Variants in TGM3 observed in about 807,000 individuals in gnomAD.
TGM3 encodes protein-glutamine gamma-glutamyltransferase E.
TGM3 carries 52 observed loss-of-function variants against 73.8 expected under a neutral mutation model. The observed-to-expected ratio is 0.70, with a 90% CI of 0.56 to 0.89. TGM3 has a LOEUF of 0.89. Among genes scored for constraint, TGM3 ranks in the 40% least tolerant of loss-of-function variants. TGM3 has a pLI of 0.00. For missense variants in TGM3, 928 were observed against 909.9 expected, an observed-to-expected ratio of 1.02 and a Z score of -0.26; for synonymous variants, 372 against 354.9, an observed-to-expected ratio of 1.05 and a Z score of -0.54.
chr20:2,321,522 A>G (rs2084262958), intron 7 of TGM3, among the ~76,000 whole-genome samples: 1 of 152,200 alleles, frequency 6.6e-6, no homozygotes, highest in South Asian at 2.1e-4. Flanking sequence ...TAACTCTGTG[A>G]TTTCAAAGGT....
intron 9 of TGM3, among the ~76,000 whole-genome samples, chr20:2,330,053 G>C (rs7267044): frequency 0.013 from 1,986 of 152,156 alleles, 44 homozygotes; most frequent in African/African-American, 0.044. Flanking sequence ...TTGTGGGGGT[G>C]GGGGAGGGGG....
At chr20:2,300,201 GAGAA>G (rs1366596354) in intron 1 of TGM3, among the ~76,000 whole-genome samples, 125 of 139,622 alleles carry the variant, frequency 9.0e-4, no homozygotes, top group African/African-American at 3.0e-3. Context: ...GAAATAGAAA[GAGAA>G]AGAAAGAAAG....
intron 12 of TGM3, 24 bp from the exon 13 acceptor site, chr20:2,340,410 A>G: frequency 6.2e-7 from 1 of 1,613,756 alleles, no homozygotes; most frequent in Non-Finnish European, 8.5e-7. Flanking sequence ...TCGTATCAAC[A>G]CTGATCTGTG....
chr20:2,303,764 A>G (rs774524713), intron 1 of TGM3, among the ~76,000 whole-genome samples: 4 of 152,150 alleles, frequency 2.6e-5, no homozygotes, highest in Non-Finnish European at 5.9e-5. Flanking sequence ...AGTCCACCAC[A>G]TTAGAATTGC....
rs369189179 is a variant in TGM3 at position 2,325,830 on chromosome 20, T to C, written c.984-19T>C. On this transcript the variant is annotated intron_variant, in intron 7 of 12. Coordinates refer to ENST00000381458, the MANE Select transcript of TGM3 (RefSeq NM_003245.4). ...GTGTGGTCTTGGGCAAGCGCTGCAG[T>C]CTCTGGTTCTATCTGCAGGAATTTC... The C allele has an allele frequency of 2.8e-5, 43 of 1,529,464 alleles. No individual in the cohort carries two copies. The South Asian group carries it at 4.9e-4, about 17-fold the overall frequency. 94.7% of individuals were successfully genotyped at this position (1,529,464 alleles called of 1,614,324 possible). A position where few individuals can be genotyped will look rare whatever the true frequency, so the allele number is the denominator to read the frequency against.
At chr20:2,330,238 G>A (rs2084312925) in intron 9 of TGM3, among the ~76,000 whole-genome samples, 1 of 152,324 alleles carries the variant, frequency 6.6e-6, no homozygotes, top group Admixed American at 6.5e-5. Flanking sequence ...AGCAAAGGGA[G>A]AAAACAGCAG....
intron 1 of TGM3, among the ~76,000 whole-genome samples, chr20:2,308,431 T>C (rs2084185805): frequency 6.6e-6 from 1 of 152,126 alleles, no homozygotes; most frequent in Admixed American, 6.6e-5. Context: ...TCCCAAAAAG[T>C]TTATATCAGC....
Position 2,311,115 on chromosome 20 carries a change from T to C in TGM3, c.526T>C (p.Trp176Arg). The change falls in exon 4 of 13, where the codon TGG becomes CGG. Residue 176 changes from tryptophan to arginine, a missense_variant. Physicochemically the swap from Trp to Arg is moderately radical, Grantham distance 101. Transcript: ENST00000381458. The stretch of plus-strand genomic sequence containing the variant: ...CACAAACCGAATTGGCATGATTGGC[T>C]GGAACTTTGGACAGGTAAAAGGGTC... ...GSTNRIGMIG[W>R]NFGQFEEDIL... is the part of the protein sequence containing the mutation. The C allele has an allele frequency of 1.2e-6, 2 of 1,614,090 alleles. No homozygotes were observed. The highest frequency in any genetic ancestry group is 1.7e-6 in the Non-Finnish European group (2 of 1,179,934).
At chr20:2,338,673 T>C (rs1184645476) in intron 11 of TGM3, among the ~76,000 whole-genome samples, 1 of 152,232 alleles carries the variant, frequency 6.6e-6, no homozygotes, top group Non-Finnish European at 1.5e-5. Flanking sequence ...TCTGTCACTG[T>C]AAAATGGTTG....
chr20:2,296,828 G>A (rs889030826), intron 1 of TGM3, among the ~76,000 whole-genome samples: 1 of 152,220 alleles, frequency 6.6e-6, no homozygotes, highest in Non-Finnish European at 1.5e-5. Context: ...ATTATTATCT[G>A]TCTTGTGTGC....
At chr20:2,297,074 G>A (rs899022673) in intron 1 of TGM3, among the ~76,000 whole-genome samples, 1 of 152,162 alleles carries the variant, frequency 6.6e-6, no homozygotes, top group Non-Finnish European at 1.5e-5. Context: ...TGGCTGGGAT[G>A]CTAAGAAGAG....
intron 4 of TGM3, 102 bp downstream of exon 4, chr20:2,311,231 C>T (rs761236010): frequency 1.4e-4 from 129 of 950,184 alleles, no homozygotes; most frequent in Non-Finnish European, 2.1e-4. Context: ...TGTCCATCTG[C>T]CTGCCCTTCT....
Position 2,312,897 on chromosome 20 carries a change from G to A in TGM3, c.541-1G>A. ...GTAATGTATGGTCTCGTTCTGAACA[G>A]TTTGAAGAAGACATTCTCAGCATCT... On this transcript the variant is annotated splice_acceptor_variant, in intron 4 of 12. Transcript: ENST00000381458. LOFTEE classifies it high-confidence loss of function. 1 of 1,614,138 alleles carries A rather than the reference G, an allele frequency of 6.2e-7. No homozygotes were observed. The highest frequency in any genetic ancestry group is 8.5e-7 in the Non-Finnish European group (1 of 1,180,010).
intron 9 of TGM3, among the ~76,000 whole-genome samples, chr20:2,329,684 C>CCCTACCAGCCATAATTGTGTGA (rs1468251597): frequency 6.6e-6 from 1 of 152,144 alleles, no homozygotes; most frequent in East Asian, 1.9e-4. Context: ...TGAACTCTAG[C>CCCTACCAGCCATAATTGTGTGA]CCTACCAGCC....
chr20:2,318,399 G>A (rs116727255), intron 7 of TGM3, among the ~76,000 whole-genome samples: 1,795 of 152,078 alleles, frequency 0.012, 47 homozygotes, highest in African/African-American at 0.041. Context: ...ACACACACAC[G>A]TAATTTAATG....
In TGM3 at chr20:2,339,894, A is replaced by G; in HGVS notation, c.1841A>G (p.Gln614Arg). The G allele has an allele frequency of 6.2e-7, 1 of 1,614,136 alleles. No individual in the cohort carries two copies. The highest frequency in any genetic ancestry group is 8.5e-7 in the Non-Finnish European group (1 of 1,180,026). ...EARVRKPVNV[Q>R]MLFSNPLDEP... ...CGTGTGCGGAAGCCTGTGAACGTGC[A>G]GATGCTCTTCTCCAATCCACTGGAT... Residue 614 changes from glutamine to arginine, a missense_variant, in exon 12 of 13, where the codon CAG becomes CGG. Gln to Arg is a conservative substitution (Grantham distance 43). Coordinates refer to ENST00000381458, the MANE Select transcript of TGM3 (RefSeq NM_003245.4).
chr20:2,314,011 C>CA (rs68181745), intron 5 of TGM3, among the ~76,000 whole-genome samples: 3 of 151,692 alleles, frequency 2.0e-5, no homozygotes, highest in Non-Finnish European at 4.4e-5. Flanking sequence ...ACAACAACAA[C>CA]AAAAAAAAAT....
At chr20:2,316,930 A>C in intron 5 of TGM3, 138 bp from the exon 6 acceptor site, 1 of 1,007,072 alleles carries the variant, frequency 9.9e-7, no homozygotes, top group Non-Finnish European at 1.5e-6. Context: ...CAAGTCACCT[A>C]GAAAGACAAA....
chr20:2,321,459 G>T (rs1280526542), intron 7 of TGM3, among the ~76,000 whole-genome samples: 1 of 152,166 alleles, frequency 6.6e-6, no homozygotes, highest in African/African-American at 2.4e-5. Flanking sequence ...GGACAAATGG[G>T]AGTTTACCTA....
Sources: allele counts gnomAD v4.1 joint callset (sites outside exome capture counted in the v4.1 genomes callset), GRCh38; gene constraint gnomAD v4.1.1; transcripts MANE v1.5; gene names NCBI Gene and HGNC (gene_info 2026-07-23, HGNC 2026-07-21).